The following DLG2 variants were observed in gnomAD, a reference collection of about 807,000 sequenced individuals.
DLG2 encodes the protein discs large MAGUK scaffold protein 2.
A neutral mutation model predicts 132.5 loss-of-function variants in DLG2; 45 were observed. The observed-to-expected ratio is 0.34, with a 90% CI of 0.27 to 0.44. The LOEUF (loss-of-function observed/expected upper bound fraction) is 0.44. Ranked by LOEUF, DLG2 falls within the 20% of genes least tolerant of loss-of-function variation. The probability of loss-of-function intolerance (pLI) is 1.00; values close to 1 mark genes in which losing one functional copy is unlikely to be tolerated. For synonymous variants in DLG2, 424 were observed against 419.6 expected (o/e 1.01, Z -0.13); for missense variants, 1,045 against 1,196.9 (o/e 0.87, Z 1.87).
chr11:85,236,901 A>C (rs1261387108), intron 4 of DLG2, among the ~76,000 whole-genome samples: 4 of 152,162 alleles, frequency 2.6e-5, no homozygotes, highest in Middle Eastern at 3.4e-3. Context: ...ATGATGACAC[A>C]ATGTGTTAAA....
rs539731674 is a variant in DLG2 at position 83,516,317 on chromosome 11, T to A, written c.2193+16391A>T. 1.1e-3 allele frequency among the ~76,000 whole-genome samples: 166 copies of A among 152,294 alleles called. 1 individual carries two copies. Among genetic ancestry groups the A allele is most frequent in the Middle Eastern group, 0.01 (3 of 294 alleles). ...TCTGTTTTGATCTTTGTTGGTTTAA[T>A]GTCTGTTTTATCAGAGACTAGGATT... On this transcript the variant is annotated intron_variant, in intron 21 of 27. Transcript: ENST00000376104.
At chr11:84,904,764 C>A (rs2091309727) in intron 6 of DLG2, among the ~76,000 whole-genome samples, 1 of 152,158 alleles carries the variant, frequency 6.6e-6, no homozygotes, top group East Asian at 1.9e-4. Context: ...CAAAGTTCTT[C>A]CCCATTTCCC....
intron 7 of DLG2, among the ~76,000 whole-genome samples, chr11:84,295,486 T>C (rs899775152): frequency 2.6e-5 from 4 of 152,164 alleles, no homozygotes; most frequent in African/African-American, 9.7e-5. Context: ...CTTCTGGGGG[T>C]GCCTTGATGA....
At position 84,535,954 on chromosome 11, in the gene DLG2, C is replaced by CAT. The variant is rs778920932; in HGVS notation, c.358-1225_358-1224dup. Reference sequence around the variant, plus strand: ...CATCAATGGTTAATTTTTTCATATACATATATATATAAAACTTCTAGGACA... The same window carrying CAT: ...CATCAATGGTTAATTTTTTCATATACATATATATATATAAAACTTCTAGGACA... On this transcript the variant is annotated intron_variant, in intron 6 of 27. Transcript: ENST00000376104. Among the ~76,000 whole-genome samples, 29 of 144,462 alleles carry CAT rather than the reference C, an allele frequency of 2.0e-4. No individual in the cohort carries two copies. The South Asian group carries it at 2.6e-3, about 13-fold the overall frequency. 94.8% of individuals were successfully genotyped at this position (144,462 alleles called of 152,430 possible).
rs910826153 is a variant in DLG2 at position 84,746,261 on chromosome 11, AAAAAG to A, written c.358-211535_358-211531del. ...AACAAGATATGAAAAGAAAAAAAAA[AAAAAG>A]AAAAGAAAAGATCAGCCATTCTATT... On this transcript the variant is annotated intron_variant, in intron 6 of 27. Coordinates refer to ENST00000376104, the MANE Select transcript of DLG2 (RefSeq NM_001142699.3). 3.0e-4 allele frequency among the ~76,000 whole-genome samples: 45 copies of A among 152,086 alleles called. No individual in the cohort carries two copies. In the South Asian group the frequency reaches 3.5e-3, roughly 12 times the overall value.
At chr11:84,971,937 A>G (rs1037521826) in intron 6 of DLG2, among the ~76,000 whole-genome samples, 11 of 152,176 alleles carry the variant, frequency 7.2e-5, no homozygotes, top group African/African-American at 1.7e-4. Flanking sequence ...GGGAGAATTT[A>G]TATTTCTAAG....
intron 4 of DLG2, among the ~76,000 whole-genome samples, chr11:85,265,767 G>C (rs2077176260): frequency 6.6e-6 from 1 of 152,332 alleles, no homozygotes; most frequent in South Asian, 2.1e-4. Context: ...CCAGTAGAGA[G>C]AAGTAGCTGG....
intron 7 of DLG2, among the ~76,000 whole-genome samples, chr11:84,412,778 C>T (rs1251466943): frequency 1.3e-5 from 2 of 152,134 alleles, no homozygotes; most frequent in African/African-American, 2.4e-5. Flanking sequence ...CATTCCAGTT[C>T]CCAGAATAGA....
chr11:84,405,596 G>A (rs1454423317), intron 7 of DLG2, among the ~76,000 whole-genome samples: 1 of 152,052 alleles, frequency 6.6e-6, no homozygotes, highest in Non-Finnish European at 1.5e-5. Flanking sequence ...AGGCATTAAA[G>A]GATAAAACAA....
At chr11:84,857,026 C>A (rs2082881390) in intron 6 of DLG2, among the ~76,000 whole-genome samples, 1 of 150,950 alleles carries the variant, frequency 6.6e-6, no homozygotes, top group African/African-American at 2.4e-5. Flanking sequence ...GCAAGAAGGT[C>A]AAAGTAAGAA....
At chr11:85,559,442 C>T (rs2153223394) in intron 3 of DLG2, among the ~76,000 whole-genome samples, 1 of 151,754 alleles carries the variant, frequency 6.6e-6, no homozygotes, top group Middle Eastern at 3.4e-3. Flanking sequence ...AGCCACTGCG[C>T]CCGGCCACAT....
chr11:84,781,617 T>G (rs1234369070), intron 6 of DLG2, among the ~76,000 whole-genome samples: 2 of 152,128 alleles, frequency 1.3e-5, no homozygotes, highest in African/African-American at 4.8e-5. Context: ...ATTACCACAA[T>G]CTTATGAAAT....
intron 7 of DLG2, among the ~76,000 whole-genome samples, chr11:84,489,249 C>T (rs773641544): frequency 5.3e-5 from 8 of 152,072 alleles, no homozygotes; most frequent in Non-Finnish European, 1.2e-4. Flanking sequence ...TGTCTTTAGT[C>T]TCAGCACTGA....
intron 11 of DLG2, among the ~76,000 whole-genome samples, chr11:83,996,902 A>C (rs890746953): frequency 2.6e-5 from 4 of 152,134 alleles, no homozygotes; most frequent in African/African-American, 9.7e-5. Context: ...AATAAGACCT[A>C]CTATAGTCCA....
At chr11:85,071,754 A>C (rs1593631887) in intron 6 of DLG2, among the ~76,000 whole-genome samples, 1 of 151,966 alleles carries the variant, frequency 6.6e-6, no homozygotes, top group South Asian at 2.1e-4. Flanking sequence ...GTCTAATTTC[A>C]AGAGCAATTT....
chr11:85,479,321 C>T (rs1269029712), intron 3 of DLG2, among the ~76,000 whole-genome samples: 1 of 152,124 alleles, frequency 6.6e-6, no homozygotes, highest in Non-Finnish European at 1.5e-5. Flanking sequence ...CTGTCTTTTC[C>T]CTATGTCCTC....
At chr11:84,448,273 C>T (rs1353363256) in intron 7 of DLG2, among the ~76,000 whole-genome samples, 1 of 151,934 alleles carries the variant, frequency 6.6e-6, no homozygotes, top group Non-Finnish European at 1.5e-5. Context: ...GTTTTGGAAG[C>T]AATAGTCTTA....
rs557885441 is a variant in DLG2 at position 84,173,067 on chromosome 11, G to T, written c.574-9556C>A. On this transcript the variant is annotated intron_variant, in intron 8 of 27. Coordinates refer to ENST00000376104, the MANE Select transcript of DLG2 (RefSeq NM_001142699.3). ...GAAGAAATTAAGAAAAATAGCTTAG[G>T]GTTCTTATATGCATAAAATAATCAT... Among the ~76,000 whole-genome samples the T allele has an allele frequency of 2.6e-5, 4 of 152,018 alleles. No homozygotes were observed. In the East Asian group the frequency reaches 7.7e-4, roughly 29 times the overall value.
chr11:84,468,167 C>T (rs577595234), intron 7 of DLG2, among the ~76,000 whole-genome samples: 10 of 151,634 alleles, frequency 6.6e-5, no homozygotes, highest in South Asian at 2.1e-4. Context: ...ATCTTTCATA[C>T]TACATTTTAT....
Sources: gnomAD v4.1 joint callset for allele counts (sites outside exome capture counted in the v4.1 genomes callset) on GRCh38, gnomAD v4.1.1 for gene constraint, MANE v1.5 for transcripts, NCBI Gene and HGNC (gene_info 2026-07-23, HGNC 2026-07-21) for gene names.